Variants in CYP27B1 observed in about 807,000 individuals in gnomAD.
CYP27B1 encodes 25-hydroxyvitamin D-1 alpha hydroxylase, mitochondrial.
A neutral mutation model predicts 54.8 loss-of-function variants in CYP27B1; 46 were observed. The observed-to-expected ratio is 0.84, with a 90% CI of 0.66 to 1.07. CYP27B1 has a LOEUF of 1.07. Ranked by LOEUF, CYP27B1 falls within the 50% of genes least tolerant of loss-of-function variation. CYP27B1 has a pLI of 0.00. For synonymous variants in CYP27B1, 292 were observed against 297.3 expected, an observed-to-expected ratio of 0.98 and a Z score of 0.18; for missense variants, 674 against 692.2, an observed-to-expected ratio of 0.97 and a Z score of 0.30.
At chr12:57,763,540 G>GA in intron 8 of CYP27B1, 71 bp downstream of exon 8, 3 of 1,346,994 alleles carry the variant, frequency 2.2e-6, no homozygotes, top group Non-Finnish European at 3.2e-6. Flanking sequence ...CTTGTCAGGG[G>GA]AAAGAGCTCA....
At chr12:57,763,427 A>G (rs935370488) in intron 8 of CYP27B1, among the ~76,000 whole-genome samples, 172 bp from the exon 9 acceptor site, 3 of 152,200 alleles carry the variant, frequency 2.0e-5, no homozygotes, top group African/African-American at 7.2e-5. Context: ...GGATTATGGT[A>G]GGGAAAAAAT....
rs1277518634 is a variant in CYP27B1 at position 57,765,094 on chromosome 12, A to G, written c.707T>C (p.Met236Thr). ...GTGGCGCAGCCAGTGGGGCATCGCC[A>G]TGGTCAACAGCGTGGACACAAACAC... is the stretch of plus-strand genomic sequence containing the variant. ...GSVFVSTLLTMAMPHWLRHLV... is the reference protein window; with the variant it reads ...GSVFVSTLLTTAMPHWLRHLV... Residue 236 changes from methionine to threonine, a missense_variant, in exon 4 of 9, where the codon ATG (methionine) becomes ACG (threonine). Met to Thr is a moderately conservative substitution (Grantham distance 81). Coordinates refer to ENST00000228606, the MANE Select transcript of CYP27B1 (RefSeq NM_000785.4). This position sits in a 1 kb window ranked among gnomAD's most constrained non-coding sequence, Gnocchi z 5.8. 10 of 1,613,920 alleles carry G rather than the reference A, an allele frequency of 6.2e-6. No individual in the cohort carries two copies. The highest frequency in any genetic ancestry group is 7.6e-6 in the Non-Finnish European group (9 of 1,180,034).
In CYP27B1 at chr12:57,763,806, C is replaced by T. The variant is rs750468088; in HGVS notation, c.1218G>A (p.Thr406=). 169 of 1,613,866 alleles carry T rather than the reference C, an allele frequency of 1.0e-4. No individual in the cohort carries two copies. The highest frequency in any genetic ancestry group is 1.2e-4 in the South Asian group (11 of 91,086). The change falls in exon 8 of 9, where the codon ACG becomes ACA. Residue 406 remains threonine, a splice_region_variant and synonymous_variant. Coordinates refer to ENST00000228606, the MANE Select transcript of CYP27B1 (RefSeq NM_000785.4). Reference sequence around the variant, plus strand: ...TGGCATAGTGACACAGAGTGACCAGCGTCTGGTGCAAAGGAAAACAAACTT... The same window carrying T: ...TGGCATAGTGACACAGAGTGACCAGTGTCTGGTGCAAAGGAAAACAAACTT... The part of the protein sequence containing the change: ...HVGDYIIPKN[T]LVTLCHYATS...
chr12:57,765,909 C>G lies in CYP27B1; in HGVS notation c.386+98G>C. On this transcript the variant is annotated intron_variant, in intron 2 of 8. Coordinates refer to ENST00000228606, the MANE Select transcript of CYP27B1 (RefSeq NM_000785.4). This position sits in a 1 kb window ranked among gnomAD's most constrained non-coding sequence, Gnocchi z 5.8. ...ATGCCCAATGGTAGAGTGGGACAGC[C>G]GACCTCCCACCATGCCCCCAGATTG... is the stretch of plus-strand genomic sequence containing the variant. The G allele has an allele frequency of 6.9e-7, 1 of 1,445,146 alleles. No individual in the cohort carries two copies. Among genetic ancestry groups the G allele is most frequent in the Non-Finnish European group, 9.1e-7 (1 of 1,102,612 alleles). 89.5% of individuals were successfully genotyped at this position (1,445,146 alleles called of 1,614,324 possible).
At chr12:57,766,366 TC>T in intron 1 of CYP27B1, 169 bp from the exon 2 acceptor site, 1 of 937,666 alleles carries the variant, frequency 1.1e-6, no homozygotes, top group Non-Finnish European at 1.5e-6. Flanking sequence ...CTCTCTCATT[TC>T]CCATCCCTAG....
At position 57,766,104 on chromosome 12, in the gene CYP27B1, G is replaced by A. The variant is rs1595119037; in HGVS notation, c.289C>T (p.Leu97=). 1 of 1,546,520 alleles carries A rather than the reference G, an allele frequency of 6.5e-7. No homozygotes were observed. Among genetic ancestry groups the A allele is most frequent in the East Asian group, 2.4e-5 (1 of 41,440 alleles). ...YVAAPALVEE[L]LRQEGPRPER... is the part of the protein sequence containing the mutation. ...GGCCGGGGTCCCTCCTGTCGCAGCAGCTCCTCGACGAGTGCAGGGGCAGCC... is the reference window on the plus strand; with the variant it reads ...GGCCGGGGTCCCTCCTGTCGCAGCAACTCCTCGACGAGTGCAGGGGCAGCC... Residue 97 remains leucine (L), a synonymous_variant, in exon 2 of 9, where the codon CTG becomes TTG. Coordinates refer to ENST00000228606, the MANE Select transcript of CYP27B1 (RefSeq NM_000785.4).
rs1184656515 is a variant in CYP27B1 at position 57,765,366 on chromosome 12, C to T, written c.520G>A (p.Gly174Arg). 1.2e-6 allele frequency: 2 copies of T among 1,613,396 alleles called. No individual in the cohort carries two copies. The highest frequency in any genetic ancestry group is 1.7e-6 in the Non-Finnish European group (2 of 1,179,766). The change falls in exon 3 of 9, where the codon GGA (glycine) becomes AGA (arginine). Residue 174 changes from glycine (G) to arginine (R), a missense_variant. By Grantham distance (125) the Gly-to-Arg change is moderately radical (BLOSUM62 -2). Coordinates refer to ENST00000228606, the MANE Select transcript of CYP27B1 (RefSeq NM_000785.4). This position sits in a 1 kb window ranked among gnomAD's most constrained non-coding sequence, Gnocchi z 5.8. ...AGGGCGGGCGGCCCCGTGCCACGTC[C>T]CCGCTGGCGCCTCAGACGCCGCACA... ...DLVRRLRRQR[G>R]RGTGPPALVR... is the part of the protein sequence containing the mutation.
Position 57,765,286 on chromosome 12 carries a change from C to T in CYP27B1, c.589+11G>A, listed in dbSNP as rs1230865746. 6 of 1,612,790 alleles carry T rather than the reference C, an allele frequency of 3.7e-6. No homozygotes were observed. Among genetic ancestry groups the T allele is most frequent in the Non-Finnish European group, 5.1e-6 (6 of 1,179,660 alleles). On this transcript the variant is annotated intron_variant, in intron 3 of 8. Coordinates refer to ENST00000228606, the MANE Select transcript of CYP27B1 (RefSeq NM_000785.4). The surrounding 1 kb of genome is among the most constrained non-coding windows in gnomAD (Gnocchi z 5.8). ...CCCCCGACGCCTGCCCAGCTCTGTCCTGGGACTCACCTTCCAGTCCGAACT... is the reference window on the plus strand; with the variant it reads ...CCCCCGACGCCTGCCCAGCTCTGTCTTGGGACTCACCTTCCAGTCCGAACT...
chr12:57,764,055 G>T, intron 7 of CYP27B1, 43 bp downstream of exon 7: 1 of 1,502,840 alleles, frequency 6.7e-7, no homozygotes, highest in Non-Finnish European at 9.3e-7. Flanking sequence ...GCCCAAGATA[G>T]TGAGGAATGG....
chr12:57,764,563 T>TG lies in CYP27B1; in HGVS notation c.964-14dup. ...GCGTGTTGGACACCTGAAAAACATG[T>TG]GAAAGCAAGAGAGGTGTTGGGTGTG... On this transcript the variant is annotated splice_polypyrimidine_tract_variant and intron_variant, in intron 5 of 8. Coordinates refer to ENST00000228606, the MANE Select transcript of CYP27B1 (RefSeq NM_000785.4). 1 of 1,613,718 alleles carries TG rather than the reference T, an allele frequency of 6.2e-7. No homozygotes were observed. Among genetic ancestry groups the TG allele is most frequent in the Non-Finnish European group, 8.5e-7 (1 of 1,179,956 alleles).
chr12:57,764,726 G>C, intron 5 of CYP27B1, 28 bp downstream of exon 5: 1 of 1,613,920 alleles, frequency 6.2e-7, no homozygotes, highest in Non-Finnish European at 8.5e-7. Flanking sequence ...CCCTGGAACC[G>C]GCTCACAGCA....
At chr12:57,763,589 G>A (rs372020956) in intron 8 of CYP27B1, 22 bp downstream of exon 8, 17 of 1,605,728 alleles carry the variant, frequency 1.1e-5, no homozygotes, top group Admixed American at 1.7e-5. Flanking sequence ...TCTGGGGAAG[G>A]TATAAAATCT....
chr12:57,766,699 C>T (rs868723187), intron 1 of CYP27B1, 148 bp downstream of exon 1: 1 of 884,584 alleles, frequency 1.1e-6, no homozygotes, highest in Non-Finnish European at 1.8e-6. Flanking sequence ...AGCCACACCG[C>T]CCCCAGCCTC....
chr12:57,764,852 A>G lies in CYP27B1; in HGVS notation c.865T>C (p.Ser289Pro), dbSNP rs774690200. Residue 289 changes from serine to proline, a missense_variant, in exon 5 of 9, where the codon TCT becomes CCT. By Grantham distance (74) the Ser-to-Pro change is moderately conservative (BLOSUM62 -1). Transcript: ENST00000228606. ...AGGAAGTGGGTCAGGTGCGCCCCAG[A>G]CTCCAGGTCCTTCTCGGGCTGTCCT... is the stretch of plus-strand genomic sequence containing the variant. ...NGGQPEKDLE[S>P]GAHLTHFLFR... 1 of 1,613,208 alleles carries G rather than the reference A, an allele frequency of 6.2e-7. No individual in the cohort carries two copies. Among genetic ancestry groups the G allele is most frequent in the African/African-American group, 1.3e-5 (1 of 74,702 alleles).
Position 57,765,199 on chromosome 12 carries a change from A to G in CYP27B1, c.602T>C (p.Val201Ala). 2 of 1,612,824 alleles carry G rather than the reference A, an allele frequency of 1.2e-6. No homozygotes were observed. Among genetic ancestry groups the G allele is most frequent in the South Asian group, 2.2e-5 (2 of 91,004 alleles). ...YKFGLEGIAA[V>A]LLGSRLGCLE... ...GCAGCCCAAGCGCGAGCCGAGCAGAACCGCGGCGATGCCTTGTCGGGAGGG... is the reference window on the plus strand; with the variant it reads ...GCAGCCCAAGCGCGAGCCGAGCAGAGCCGCGGCGATGCCTTGTCGGGAGGG... Residue 201 changes from valine to alanine, a missense_variant, in exon 4 of 9, where the codon GTT becomes GCT. Transcript: ENST00000228606. This position sits in a 1 kb window ranked among gnomAD's most constrained non-coding sequence, Gnocchi z 5.8.
Position 57,765,760 on chromosome 12 carries a change from G to A in CYP27B1, c.386+247C>T, listed in dbSNP as rs1955354740. On this transcript the variant is annotated intron_variant, in intron 2 of 8. Transcript: ENST00000228606. This position sits in a 1 kb window ranked among gnomAD's most constrained non-coding sequence, Gnocchi z 5.8. ...ATTCCATCCAGATCCTTGTACCCTA[G>A]CCCAATTCCTCCGGTTCCCCCAGTT... The A allele has an allele frequency of 1.2e-6, 1 of 820,846 alleles. No homozygotes were observed. Among genetic ancestry groups the A allele is most frequent in the Non-Finnish European group, 1.9e-6 (1 of 529,632 alleles). 50.8% of individuals were successfully genotyped at this position (820,846 alleles called of 1,614,324 possible). A position where few individuals can be genotyped will look rare whatever the true frequency, so the allele number is the denominator to read the frequency against.
intron 4 of CYP27B1, 42 bp from the exon 5 acceptor site, chr12:57,764,968 A>G: frequency 6.2e-7 from 1 of 1,613,944 alleles, no homozygotes; most frequent in South Asian, 1.1e-5. Context: ...CTACCCCTGG[A>G]CAGCTTTACA....
intron 1 of CYP27B1, among the ~76,000 whole-genome samples, 181 bp downstream of exon 1, chr12:57,766,666 C>T (rs1234408038): frequency 1.3e-5 from 2 of 152,236 alleles, no homozygotes; most frequent in Non-Finnish European, 2.9e-5. Context: ...TGCTAAGAGT[C>T]GGGACGGGCT....
At chr12:57,764,979 T>A in intron 4 of CYP27B1, 32 bp downstream of exon 4, 1 of 1,613,924 alleles carries the variant, frequency 6.2e-7, no homozygotes, top group South Asian at 1.1e-5. Context: ...CAGCTTTACA[T>A]TCCCCCATTT....
Sources: allele counts gnomAD v4.1 joint callset (sites outside exome capture counted in the v4.1 genomes callset), GRCh38; gene constraint gnomAD v4.1.1; non-coding constraint Gnocchi (gnomAD v3.1); transcripts MANE v1.5; gene names NCBI Gene and HGNC (gene_info 2026-07-23, HGNC 2026-07-21).